PRKCH: variants seen among roughly 807,000 people sequenced by gnomAD.
PRKCH encodes protein kinase C eta, also known as protein kinase C eta type.
Under a neutral mutation model 82.5 loss-of-function variants are expected in PRKCH, and 28 were observed. The ratio of observed to expected loss-of-function variants is 0.34; its 90% CI spans 0.25 to 0.47. The LOEUF (loss-of-function observed/expected upper bound fraction) is 0.47. Ranked by LOEUF, PRKCH falls within the 20% of genes least tolerant of loss-of-function variation. The pLI is 1.00. For synonymous variants in PRKCH, 322 were observed against 327.4 expected, an observed-to-expected ratio of 0.98 and a Z score of 0.18; for missense variants, 705 against 881.8, an observed-to-expected ratio of 0.80 and a Z score of 2.54.
Position 61,403,001 on chromosome 14 carries a change from A to G in PRKCH, c.427+11713A>G, listed in dbSNP as rs879938282. 9.2e-5 allele frequency among the ~76,000 whole-genome samples: 14 copies of G among 152,092 alleles called. 1 individual carries two copies. The highest frequency in any genetic ancestry group is 2.6e-4 in the Admixed American group (4 of 15,266). On this transcript the variant is annotated intron_variant, in intron 2 of 13. Transcript: ENST00000332981. ...ACTAACTCATCCTCTAGCATTAGGTATATCTCCCAATGCTATCCCTCCCGC... is the reference window on the plus strand; with the variant it reads ...ACTAACTCATCCTCTAGCATTAGGTGTATCTCCCAATGCTATCCCTCCCGC...
At chr14:61,263,916 C>T (rs12434034) in intron 1 of PRKCH, among the ~76,000 whole-genome samples, 10,381 of 145,874 alleles carry the variant, frequency 0.071, 415 homozygotes, top group East Asian at 0.14. Flanking sequence ...TACGCACGTG[C>T]ATGTGCAGTT....
intron 10 of PRKCH, among the ~76,000 whole-genome samples, chr14:61,494,596 T>C (rs1886584572): frequency 1.3e-5 from 2 of 152,212 alleles, no homozygotes; most frequent in African/African-American, 4.8e-5. Context: ...GCAGGGTCCT[T>C]GTAAAACTCA....
chr14:61,295,706 C>T (rs1041068895), intron 1 of PRKCH, among the ~76,000 whole-genome samples: 4 of 152,208 alleles, frequency 2.6e-5, no homozygotes, highest in Non-Finnish European at 5.9e-5. Flanking sequence ...CACACGTCTT[C>T]CTTCTTCTCC....
At chr14:61,413,274 G>C (rs1882363879) in intron 2 of PRKCH, among the ~76,000 whole-genome samples, 3 of 151,762 alleles carry the variant, frequency 2.0e-5, no homozygotes, top group Admixed American at 1.3e-4. Context: ...TCTGTTTCAT[G>C]TTCTCCCTTT....
At position 61,280,979 on chromosome 14, in the gene PRKCH, A is replaced by G; in HGVS notation, c.-19+93311A>G. The G allele has an allele frequency of 6.5e-7, 1 of 1,542,450 alleles. No homozygotes were observed. On this transcript the variant is annotated intron_variant, in intron 1 of 3. Coordinates refer to the PRKCH transcript ENST00000555185. This position sits in a 1 kb window ranked among gnomAD's most constrained non-coding sequence, Gnocchi z 5.0. Reference sequence around the variant, plus strand: ...TACTCCAGCTCCTTGATGCCGTTGGAGGAGTAGTAGAGGCCCAGGCCCAGG... The same window carrying G: ...TACTCCAGCTCCTTGATGCCGTTGGGGGAGTAGTAGAGGCCCAGGCCCAGG...
intron 1 of PRKCH, among the ~76,000 whole-genome samples, chr14:61,357,623 A>G (rs2046168383): frequency 6.6e-6 from 1 of 152,014 alleles, no homozygotes; most frequent in Non-Finnish European, 1.5e-5. Context: ...TGACTTACCT[A>G]TTTGTCAACT....
At chr14:61,433,241 A>G (rs1331420234) in intron 2 of PRKCH, among the ~76,000 whole-genome samples, 3 of 152,132 alleles carry the variant, frequency 2.0e-5, no homozygotes, top group East Asian at 3.8e-4. Context: ...TCCACCATGC[A>G]CTTGGAGAAG....
At chr14:61,193,265 A>C (rs1260956112) in intron 1 of PRKCH, among the ~76,000 whole-genome samples, 1 of 152,232 alleles carries the variant, frequency 6.6e-6, no homozygotes, top group African/African-American at 2.4e-5. Flanking sequence ...TCATGGTACA[A>C]AGTTTTAATT....
At chr14:61,308,621 T>G (rs1263420685) in intron 1 of PRKCH, among the ~76,000 whole-genome samples, 3 of 152,174 alleles carry the variant, frequency 2.0e-5, no homozygotes, top group Non-Finnish European at 4.4e-5. Context: ...GTGTGTATGT[T>G]ATATATTATT....
At chr14:61,539,010 G>A (rs1186046017) in intron 12 of PRKCH, among the ~76,000 whole-genome samples, 2 of 152,218 alleles carry the variant, frequency 1.3e-5, no homozygotes, top group African/African-American at 4.8e-5. Flanking sequence ...GGCATGTAGG[G>A]TAGCAGCAGC....
intron 1 of PRKCH, among the ~76,000 whole-genome samples, chr14:61,359,709 C>T (rs2046198175): frequency 6.6e-6 from 1 of 152,126 alleles, no homozygotes; most frequent in South Asian, 2.1e-4. Context: ...CTGAAAAGCT[C>T]GGGACATTTT....
chr14:61,342,367 TGTGA>T (rs1271599840), intron 1 of PRKCH, among the ~76,000 whole-genome samples: 1 of 152,180 alleles, frequency 6.6e-6, no homozygotes, highest in East Asian at 1.9e-4. Flanking sequence ...TGCCTTGGAT[TGTGA>T]GTTAGTCAGT....
At chr14:61,229,147 TAATCTA>T (rs1158147615) in intron 1 of PRKCH, among the ~76,000 whole-genome samples, 1 of 152,084 alleles carries the variant, frequency 6.6e-6, no homozygotes, top group African/African-American at 2.4e-5. Context: ...CAAATGGAAA[TAATCTA>T]AATACTCCAA....
At chr14:61,200,407 G>A (rs1442009964) in intron 1 of PRKCH, among the ~76,000 whole-genome samples, 3 of 151,772 alleles carry the variant, frequency 2.0e-5, no homozygotes, top group African/African-American at 7.3e-5. Flanking sequence ...GTGTGTGTGT[G>A]TGTTTGTGTG....
intron 2 of PRKCH, among the ~76,000 whole-genome samples, chr14:61,428,112 C>CACATATATATATATATATATATAT (rs1391102641): frequency 3.4e-4 from 50 of 145,592 alleles, no homozygotes; most frequent in African/African-American, 1.0e-3. Flanking sequence ...TATATACACA[C>CACATATATATATATATATATATAT]ATATATATAT....
At chr14:61,409,289 C>T (rs1882132457) in intron 2 of PRKCH, among the ~76,000 whole-genome samples, 1 of 152,088 alleles carries the variant, frequency 6.6e-6, no homozygotes, top group Non-Finnish European at 1.5e-5. Context: ...ATAGCATGAC[C>T]CAGCCATGGG....
intron 1 of PRKCH, among the ~76,000 whole-genome samples, chr14:61,227,055 C>T (rs962542972): frequency 2.0e-5 from 3 of 152,150 alleles, no homozygotes; most frequent in Non-Finnish European, 4.4e-5. Flanking sequence ...ATTAACTTAG[C>T]CACTTTGCAA....
At chr14:61,266,324 A>G (rs112698835) in intron 1 of PRKCH, among the ~76,000 whole-genome samples, 6,788 of 152,134 alleles carry the variant, frequency 0.045, 193 homozygotes, top group Non-Finnish European at 0.065. Flanking sequence ...AGGCTGAGGT[A>G]GGAGAATCAC....
At chr14:61,279,437 C>T (rs960271732) in intron 1 of PRKCH, 1 of 152,170 alleles carries the variant, frequency 6.6e-6, no homozygotes, top group Non-Finnish European at 1.5e-5. Flanking sequence ...GGTTCAGGGT[C>T]GTGATTCCCA....
Sources: allele counts gnomAD v4.1 joint callset (sites outside exome capture counted in the v4.1 genomes callset), GRCh38; gene constraint gnomAD v4.1.1; non-coding constraint Gnocchi (gnomAD v3.1); transcripts MANE v1.5; gene names NCBI Gene and HGNC (gene_info 2026-07-23, HGNC 2026-07-21).